Variants in NELL1 observed in about 807,000 individuals in gnomAD.
The protein encoded by NELL1 is neural EGFL like 1, also known as protein kinase C-binding protein NELL1.
NELL1 carries 76 observed loss-of-function variants against 107.4 expected under a neutral mutation model. That is an observed-to-expected ratio of 0.71 (90% CI 0.59 to 0.86). The LOEUF is 0.86. NELL1 is among the 40% of genes least tolerant of loss of function. The pLI is 0.00. For synonymous variants in NELL1, 353 were observed against 341.2 expected, an observed-to-expected ratio of 1.03 and a Z score of -0.38; for missense variants, 1,024 against 1,005.5, an observed-to-expected ratio of 1.02 and a Z score of -0.25.
In NELL1 at chr11:21,159,206, A is replaced by G. The variant is rs188260175; in HGVS notation, c.1426+45492A>G. On this transcript the variant is annotated intron_variant, in intron 13 of 19. Coordinates refer to ENST00000357134, the MANE Select transcript of NELL1 (RefSeq NM_006157.5). Reference sequence around the variant, plus strand: ...GTCAATCATAGGACTTAGATCTTAGACTTGGACCTAGGTCTTGGATCCGTG... The same window carrying G: ...GTCAATCATAGGACTTAGATCTTAGGCTTGGACCTAGGTCTTGGATCCGTG... Among the ~76,000 whole-genome samples the G allele has an allele frequency of 4.0e-3, 614 of 152,172 alleles. 3 individuals are homozygous for G. The highest frequency in any genetic ancestry group is 0.014 in the African/African-American group (584 of 41,512).
intron 17 of NELL1, among the ~76,000 whole-genome samples, chr11:21,561,553 T>C (rs930493043): frequency 3.3e-5 from 5 of 152,084 alleles, no homozygotes; most frequent in African/African-American, 9.7e-5. Flanking sequence ...ATAAAGTAAC[T>C]TGCCCTAAAT....
At chr11:21,109,242 A>G (rs1855047843) in intron 12 of NELL1, among the ~76,000 whole-genome samples, 3 of 152,072 alleles carry the variant, frequency 2.0e-5, no homozygotes, top group Non-Finnish European at 4.4e-5. Context: ...GTATTTACCA[A>G]TTGCCAGGGG....
chr11:20,944,319 G>A (rs1850919053), intron 10 of NELL1, among the ~76,000 whole-genome samples: 1 of 151,514 alleles, frequency 6.6e-6, no homozygotes, highest in South Asian at 2.1e-4. Flanking sequence ...GTGTTTCCAG[G>A]AATTAACATA....
In NELL1 at chr11:20,731,310, C is replaced by T. The variant is rs143830678; in HGVS notation, c.185-52370C>T. On this transcript the variant is annotated intron_variant, in intron 2 of 19. Transcript: ENST00000357134. ...GAAATTACCTGCTGAGGTTCTGTTG[C>T]ACAAATTAAGACCACATAGGAAATT... Among the ~76,000 whole-genome samples, 431 of 152,326 alleles carry T rather than the reference C, an allele frequency of 2.8e-3. 1 individual carries two copies. Among genetic ancestry groups the T allele is most frequent in the African/African-American group, 1.0e-2 (414 of 41,572 alleles).
At chr11:20,859,133 T>C (rs942558759) in intron 4 of NELL1, among the ~76,000 whole-genome samples, 1 of 152,178 alleles carries the variant, frequency 6.6e-6, no homozygotes, top group African/African-American at 2.4e-5. Flanking sequence ...AGTCTCAAAC[T>C]GTTGGATCTG....
chr11:21,056,156 A>T (rs886300308), intron 12 of NELL1, among the ~76,000 whole-genome samples: 1 of 152,194 alleles, frequency 6.6e-6, no homozygotes, highest in Non-Finnish European at 1.5e-5. Context: ...GACAGTAGGG[A>T]TAGAGTCAGA....
chr11:21,126,145 A>G (rs982931956), intron 13 of NELL1, among the ~76,000 whole-genome samples: 1 of 152,158 alleles, frequency 6.6e-6, no homozygotes, highest in Non-Finnish European at 1.5e-5. Context: ...GAAAGTCGAC[A>G]TTGTAACTCC....
intron 2 of NELL1, among the ~76,000 whole-genome samples, chr11:20,775,323 C>T (rs566802912): frequency 1.3e-5 from 2 of 152,274 alleles, no homozygotes; most frequent in South Asian, 4.1e-4. Flanking sequence ...ATTGGCTGGA[C>T]ATTTCCTATG....
chr11:21,180,779 G>T (rs1338457704), intron 13 of NELL1, among the ~76,000 whole-genome samples: 2 of 151,436 alleles, frequency 1.3e-5, no homozygotes, highest in East Asian at 1.9e-4. Context: ...GCTTGGTCAG[G>T]TCATGTAGAA....
intron 12 of NELL1, among the ~76,000 whole-genome samples, chr11:20,991,991 CA>C (rs57278158): frequency 0.47 from 50,062 of 107,564 alleles, 9,745 homozygotes; most frequent in Non-Finnish European, 0.55. Flanking sequence ...GTGTAGCATG[CA>C]AAAAAAAAAA....
At chr11:21,547,432 G>A (rs148242117) in intron 16 of NELL1, among the ~76,000 whole-genome samples, 1 of 151,968 alleles carries the variant, frequency 6.6e-6, no homozygotes, top group African/African-American at 2.4e-5. Context: ...CCTTTCAATA[G>A]AGGTGGAGAC....
At chr11:21,534,228 G>A in intron 15 of NELL1, 146 bp from the exon 16 acceptor site, 2 of 826,066 alleles carry the variant, frequency 2.4e-6, no homozygotes, top group Admixed American at 4.8e-5. Flanking sequence ...GAAAATATGG[G>A]ATTTGCTTCT....
intron 13 of NELL1, chr11:21,169,686 G>A (rs1590700732): frequency 3.4e-6 from 2 of 592,564 alleles, no homozygotes; most frequent in East Asian, 2.9e-5. Flanking sequence ...TACCTAATGG[G>A]ACTGTAAATC....
At chr11:21,464,743 A>C (rs1358253731) in intron 15 of NELL1, among the ~76,000 whole-genome samples, 1 of 152,106 alleles carries the variant, frequency 6.6e-6, no homozygotes, top group African/African-American at 2.4e-5. Context: ...ACCATGACCT[A>C]AGTTCTTCAT....
intron 2 of NELL1, among the ~76,000 whole-genome samples, chr11:20,779,000 T>C (rs1463967211): frequency 6.6e-6 from 1 of 152,020 alleles, no homozygotes; most frequent in East Asian, 1.9e-4. Context: ...GATGATGGTG[T>C]GATTATGAGG....
At chr11:21,172,529 A>G (rs1485776977) in intron 13 of NELL1, among the ~76,000 whole-genome samples, 1 of 151,690 alleles carries the variant, frequency 6.6e-6, no homozygotes, top group Non-Finnish European at 1.5e-5. Flanking sequence ...GAAAATAGCC[A>G]TTATTCCAGG....
intron 4 of NELL1, among the ~76,000 whole-genome samples, chr11:20,875,880 G>A (rs1849295250): frequency 2.0e-5 from 3 of 152,090 alleles, no homozygotes; most frequent in Admixed American, 2.0e-4. Flanking sequence ...TCAGTTGCTG[G>A]GCAAGAAAAA....
At chr11:20,802,591 TTACAG>T (rs1319317181) in intron 3 of NELL1, among the ~76,000 whole-genome samples, 2 of 152,194 alleles carry the variant, frequency 1.3e-5, no homozygotes, top group African/African-American at 2.4e-5. Flanking sequence ...TAGCTAGGAC[TTACAG>T]TACTATGTTG....
At chr11:21,040,925 C>T (rs929250545) in intron 12 of NELL1, among the ~76,000 whole-genome samples, 4 of 152,152 alleles carry the variant, frequency 2.6e-5, no homozygotes, top group Admixed American at 6.6e-5. Context: ...ATGAGATTGT[C>T]AAGGTCAGTA....
Sources: gnomAD v4.1 joint callset for allele counts (sites outside exome capture counted in the v4.1 genomes callset) on GRCh38, gnomAD v4.1.1 for gene constraint, MANE v1.5 for transcripts, NCBI Gene and HGNC (gene_info 2026-07-23, HGNC 2026-07-21) for gene names.